The following ASPRV1 variants were observed in gnomAD, a reference collection of about 807,000 sequenced individuals.
ASPRV1 encodes the protein retroviral-like aspartic protease 1.
A neutral mutation model predicts 11.0 loss-of-function variants in ASPRV1; 7 were observed. The observed-to-expected ratio is 0.64, with a 90% CI of 0.36 to 1.20. The LOEUF (loss-of-function observed/expected upper bound fraction) is 1.20. Ranked by LOEUF, ASPRV1 falls within the 50% of genes most tolerant of loss-of-function variation. The pLI is 0.02. For missense variants in ASPRV1, 299 were observed against 320.0 expected, an observed-to-expected ratio of 0.93 and a Z score of 0.50; for synonymous variants, 136 against 138.4, an observed-to-expected ratio of 0.98 and a Z score of 0.12.
At chr2:69,974,195 G>A in the ASPRV1 span, among the ~76,000 whole-genome samples, 1 of 152,048 alleles carries the variant, frequency 6.6e-6, no homozygotes, top group South Asian at 2.1e-4. Flanking sequence ...AAATTAGCCA[G>A]GCATGGTGGT....
At chr2:70,084,518 T>C in the ASPRV1 span, among the ~76,000 whole-genome samples, 1 of 152,206 alleles carries the variant, frequency 6.6e-6, no homozygotes. Flanking sequence ...TCTGTACCTC[T>C]GTAAAACTGA....
chr2:69,997,545 G>A, the ASPRV1 span, among the ~76,000 whole-genome samples: 2 of 152,062 alleles, frequency 1.3e-5, no homozygotes, highest in Non-Finnish European at 2.9e-5. Context: ...ACCATGTCTT[G>A]GCCACCTCTC....
the ASPRV1 span, among the ~76,000 whole-genome samples, chr2:70,037,654 G>A: frequency 6.6e-6 from 1 of 151,536 alleles, no homozygotes; most frequent in African/African-American, 2.4e-5. Flanking sequence ...CTATTAACGT[G>A]TAAAAGCTCT....
At chr2:69,944,154 G>T in the ASPRV1 span, among the ~76,000 whole-genome samples, 2 of 152,202 alleles carry the variant, frequency 1.3e-5, no homozygotes, top group Non-Finnish European at 2.9e-5. Context: ...CTCAACAAAA[G>T]CTACGTTCTC....
chr2:69,974,375 A>C, the ASPRV1 span, among the ~76,000 whole-genome samples: 1 of 152,118 alleles, frequency 6.6e-6, no homozygotes, highest in Non-Finnish European at 1.5e-5. Context: ...TGGTTTTTGA[A>C]AATTTATTAT....
chr2:69,944,784 G>C, the ASPRV1 span, among the ~76,000 whole-genome samples: 2 of 148,698 alleles, frequency 1.3e-5, no homozygotes, highest in Non-Finnish European at 2.9e-5. Flanking sequence ...TTCCCTCTGT[G>C]CCTATTGTGA....
chr2:70,084,521 A>G, the ASPRV1 span, among the ~76,000 whole-genome samples: 4,853 of 152,310 alleles, frequency 0.032, 119 homozygotes, highest in Non-Finnish European at 0.048. Flanking sequence ...GTACCTCTGT[A>G]AAACTGACCT....
the ASPRV1 span, among the ~76,000 whole-genome samples, chr2:70,061,949 G>A: frequency 1.3e-5 from 2 of 148,354 alleles, no homozygotes; most frequent in Non-Finnish European, 3.0e-5. Context: ...GGTGACAAGA[G>A]CAAAACTCTG....
the ASPRV1 span, among the ~76,000 whole-genome samples, chr2:70,044,111 T>C: frequency 6.6e-6 from 1 of 151,724 alleles, no homozygotes; most frequent in African/African-American, 2.4e-5. Flanking sequence ...AAATCAATCT[T>C]ATAAACTCAT....
In ASPRV1 at chr2:69,961,549, A is replaced by G; in HGVS notation, c.-113T>C. 1.2e-6 allele frequency: 2 copies of G among 1,614,078 alleles called. No individual in the cohort carries two copies. Among genetic ancestry groups the G allele is most frequent in the Non-Finnish European group, 1.7e-6 (2 of 1,179,986 alleles). On this transcript the variant is annotated 5_prime_UTR_variant, in exon 1 of 1. Transcript: ENST00000320256. ...CGGGGCCTCTCGAAGCAGAGTGGGG[A>G]TGACTTGCCCGGCCTTGGGCAAGCA... is the stretch of plus-strand genomic sequence containing the variant.
chr2:70,074,174 T>C, the ASPRV1 span, among the ~76,000 whole-genome samples: 301 of 105,778 alleles, frequency 2.8e-3, 2 homozygotes, highest in Non-Finnish European at 4.0e-3. Flanking sequence ...AAATCACAAA[T>C]ACCATTGCCC....
the ASPRV1 span, among the ~76,000 whole-genome samples, chr2:69,973,866 T>G: frequency 6.6e-6 from 1 of 152,218 alleles, no homozygotes; most frequent in Admixed American, 6.5e-5. Flanking sequence ...AAGCCCTGAT[T>G]TGTGGTGGTT....
the ASPRV1 span, among the ~76,000 whole-genome samples, chr2:70,037,309 G>A: frequency 7.9e-5 from 12 of 152,130 alleles, no homozygotes; most frequent in African/African-American, 2.9e-4. Flanking sequence ...CAAGCAATCT[G>A]CCTGCCTCAA....
chr2:69,937,805 G>C, the ASPRV1 span, among the ~76,000 whole-genome samples: 1 of 152,138 alleles, frequency 6.6e-6, no homozygotes, highest in Admixed American at 6.5e-5. Flanking sequence ...GTAGAGATGA[G>C]GTTTCACCAT....
the ASPRV1 span, among the ~76,000 whole-genome samples, chr2:70,008,245 A>T: frequency 8.5e-5 from 13 of 152,232 alleles, no homozygotes; most frequent in South Asian, 2.5e-3. Flanking sequence ...AATTTTTTTA[A>T]GTGGCAGAAT....
chr2:70,009,785 G>C, the ASPRV1 span, among the ~76,000 whole-genome samples: 1 of 152,198 alleles, frequency 6.6e-6, no homozygotes, highest in East Asian at 1.9e-4. Context: ...CTCTTTCTAA[G>C]GGAAGAAGGA....
the ASPRV1 span, chr2:70,045,479 CAA>C: frequency 6.6e-6 from 1 of 152,188 alleles, no homozygotes; most frequent in Non-Finnish European, 1.5e-5. Flanking sequence ...CTATCAAAGC[CAA>C]AGTGTGTGCC....
At chr2:70,007,945 C>T in the ASPRV1 span, among the ~76,000 whole-genome samples, 9 of 152,120 alleles carry the variant, frequency 5.9e-5, no homozygotes, top group South Asian at 2.1e-4. Flanking sequence ...ATGCAATTCT[C>T]GTGCCTCAGT....
At chr2:69,937,975 A>G in the ASPRV1 span, 3 of 871,132 alleles carry the variant, frequency 3.4e-6, no homozygotes, top group Non-Finnish European at 5.3e-6. Context: ...TCAAACTCCT[A>G]ACCTCAAGTG....
Sources: allele counts gnomAD v4.1 joint callset (sites outside exome capture counted in the v4.1 genomes callset), GRCh38; gene constraint gnomAD v4.1.1; transcripts MANE v1.5; gene names NCBI Gene and HGNC (gene_info 2026-07-23, HGNC 2026-07-21).